Variants in TREM1 observed in about 807,000 individuals in gnomAD.
TREM1 encodes the protein triggering receptor expressed on monocytes 1.
A neutral mutation model predicts 22.4 loss-of-function variants in TREM1; 16 were observed. That is an observed-to-expected ratio of 0.71 (90% CI 0.48 to 1.08). The LOEUF (loss-of-function observed/expected upper bound fraction) is 1.08. TREM1 is among the 50% of genes least tolerant of loss of function. The probability of loss-of-function intolerance (pLI) is 0.00; values close to 1 mark genes in which losing one functional copy is unlikely to be tolerated. For synonymous variants in TREM1, 110 were observed against 111.6 expected, an observed-to-expected ratio of 0.99 and a Z score of 0.09; for missense variants, 283 against 282.9, an observed-to-expected ratio of 1.00 and a Z score of 0.00.
intron 3 of TREM1, among the ~76,000 whole-genome samples, chr6:41,276,893 T>C (rs1014280178): frequency 6.6e-6 from 1 of 152,014 alleles, no homozygotes; most frequent in South Asian, 2.1e-4. Context: ...AGAGGTCCAG[T>C]GGATAAGCCG....
chr6:41,284,113 A>T (rs1365063295), intron 1 of TREM1, among the ~76,000 whole-genome samples: 1 of 151,896 alleles, frequency 6.6e-6, no homozygotes, highest in Non-Finnish European at 1.5e-5. Flanking sequence ...CCTATTTTTG[A>T]TGTCACGGAG....
rs145234797 is a variant in TREM1, at chr6:41,283,257, G to A, written c.50-506C>T. ...CAAACAGTGAGGAAGCCGTCTGGAGGGCATGATGGGCATGGATATCTGACT... is the reference window on the plus strand; with the variant it reads ...CAAACAGTGAGGAAGCCGTCTGGAGAGCATGATGGGCATGGATATCTGACT... On this transcript the variant is annotated intron_variant, in intron 1 of 3. Coordinates refer to ENST00000244709, the MANE Select transcript of TREM1 (RefSeq NM_018643.5). Among the ~76,000 whole-genome samples the A allele has an allele frequency of 1.8e-3, 275 of 152,280 alleles. 1 individual carries two copies. The highest frequency in any genetic ancestry group is 5.4e-3 in the South Asian group (26 of 4,822).
chr6:41,286,575 C>T (rs750998376), intron 1 of TREM1, 32 bp downstream of exon 1: 87 of 1,612,924 alleles, frequency 5.4e-5, no homozygotes, highest in Non-Finnish European at 7.0e-5. Flanking sequence ...GGACCAAACG[C>T]CTCCCCTGCT....
intron 2 of TREM1, 196 bp from the exon 3 acceptor site, chr6:41,281,349 A>AT: frequency 1.6e-6 from 1 of 640,454 alleles, no homozygotes; most frequent in Non-Finnish European, 2.6e-6. Flanking sequence ...AGCCAAAGAA[A>AT]TACTGTGGAG....
At position 41,274,008 on chromosome 6, in the gene TREM1, G is replaced by A. The variant is rs1300282906; in HGVS notation, c.*2117C>T. Among the ~76,000 whole-genome samples the A allele has an allele frequency of 6.6e-6, 1 of 152,230 alleles. No homozygotes were observed. The highest frequency in any genetic ancestry group is 2.4e-5 in the African/African-American group (1 of 41,452). On this transcript the variant is annotated 3_prime_UTR_variant, in exon 4 of 4. Transcript: ENST00000244709. ...GGGAGGATGGAGCATGGCGTGGCCTGTAAGTGCAAATGGGAGAGTATCCAG... is the reference window on the plus strand; with the variant it reads ...GGGAGGATGGAGCATGGCGTGGCCTATAAGTGCAAATGGGAGAGTATCCAG...
intron 3 of TREM1, chr6:41,280,592 C>T: frequency 8.1e-7 from 1 of 1,241,364 alleles, no homozygotes; most frequent in African/African-American, 1.5e-5. Context: ...AAGTCACATT[C>T]AGTTAGTCAG....
chr6:41,280,687 C>T, intron 3 of TREM1: 2 of 1,419,436 alleles, frequency 1.4e-6, no homozygotes, highest in Non-Finnish European at 1.8e-6. Flanking sequence ...TCCACTGGAA[C>T]TTGGGGAAGA....
Position 41,282,614 on chromosome 6 carries a change from T to A in TREM1, c.187A>T (p.Met63Leu). Residue 63 changes from methionine (M) to leucine (L), a missense_variant, in exon 2 of 4, where the codon ATG becomes TTG. By Grantham distance (15) the Met-to-Leu change is conservative. Transcript: ENST00000244709. The part of the protein sequence containing the change: ...KAWQIIRDGE[M>L]PKTLACTERP... Reference sequence around the variant, plus strand: ...TCTGTGCATGCCAGGGTCTTGGGCATCTCTCCGTCCCTTATTATCTGCCAA... The same window carrying A: ...TCTGTGCATGCCAGGGTCTTGGGCAACTCTCCGTCCCTTATTATCTGCCAA... 1 of 1,614,192 alleles carries A rather than the reference T, an allele frequency of 6.2e-7. No homozygotes were observed. The highest frequency in any genetic ancestry group is 8.5e-7 in the Non-Finnish European group (1 of 1,180,028).
chr6:41,286,482 G>C (rs144823152), intron 1 of TREM1, 125 bp downstream of exon 1: 1 of 894,124 alleles, frequency 1.1e-6, no homozygotes, highest in East Asian at 2.5e-5. Flanking sequence ...AGAGCAGCAC[G>C]GTCTGCCATA....
downstream of TREM1, among the ~76,000 whole-genome samples, chr6:41,271,190 C>T (rs1013425773): frequency 6.6e-6 from 1 of 152,176 alleles, no homozygotes; most frequent in Admixed American, 6.5e-5. Context: ...CACCCTACAC[C>T]TGGTTCCATC....
chr6:41,280,493 G>A (rs1287705051), intron 3 of TREM1: 23 of 1,027,646 alleles, frequency 2.2e-5, no homozygotes, highest in Non-Finnish European at 2.5e-5. Context: ...AGAGTTATTA[G>A]GTGGACAATG....
At chr6:41,279,907 A>C in intron 3 of TREM1, 3 of 977,060 alleles carry the variant, frequency 3.1e-6, no homozygotes, top group Non-Finnish European at 3.6e-6. Context: ...TAAAAGAAGA[A>C]AAATATATCT....
At chr6:41,281,426 AAG>A (rs1459811828) in intron 2 of TREM1, 8 of 430,326 alleles carry the variant, frequency 1.9e-5, no homozygotes, top group African/African-American at 9.9e-5. Context: ...GGAGAGCAGA[AAG>A]AGAGAAGAAG....
chr6:41,280,892 T>C, intron 3 of TREM1, 69 bp downstream of exon 3: 1 of 1,610,584 alleles, frequency 6.2e-7, no homozygotes, highest in South Asian at 1.1e-5. Flanking sequence ...TCACATCCTC[T>C]CAGCACACAG....
chr6:41,281,165 C>T lies in TREM1; in HGVS notation c.407-12G>A. On this transcript the variant is annotated splice_polypyrimidine_tract_variant and intron_variant, in intron 2 of 3. Coordinates refer to ENST00000244709, the MANE Select transcript of TREM1 (RefSeq NM_018643.5). ...GGTCCCTGAAAAACCTGCAAGAAGA[C>T]ACATTGGATGGATGGATGGACAGAT... 6.2e-7 allele frequency: 1 copy of T among 1,611,390 alleles called. No homozygotes were observed.
chr6:41,273,487 G>A (rs1767547147), downstream of TREM1, among the ~76,000 whole-genome samples: 1 of 152,230 alleles, frequency 6.6e-6, no homozygotes, highest in Admixed American at 6.5e-5. Flanking sequence ...CAGACACCCT[G>A]CAAGGATGCA....
intron 2 of TREM1, chr6:41,281,514 T>A (rs1767920414): frequency 4.0e-6 from 1 of 247,420 alleles, no homozygotes; most frequent in African/African-American, 2.2e-5. Flanking sequence ...TGCCCCAACC[T>A]TCTCCAAGAA....
In TREM1 at chr6:41,282,634, T is replaced by C; in HGVS notation, c.167A>G (p.Gln56Arg). 6.2e-7 allele frequency: 1 copy of C among 1,614,234 alleles called. No individual in the cohort carries two copies. The highest frequency in any genetic ancestry group is 8.5e-7 in the Non-Finnish European group (1 of 1,180,026). Residue 56 changes from glutamine (Q) to arginine (R), a missense_variant, in exon 2 of 4, where the codon CAG (glutamine) becomes CGG (arginine). By Grantham distance (43) the Gln-to-Arg change is conservative (BLOSUM62 1). Transcript: ENST00000244709. ...GGGCATCTCTCCGTCCCTTATTATC[T>C]GCCAAGCTTTCTGGCTGCTGGCAAA... ...EKFASSQKAW[Q>R]IIRDGEMPKT...
chr6:41,268,583 T>C (rs954872576), intron 3 of TREM1, among the ~76,000 whole-genome samples: 2 of 152,068 alleles, frequency 1.3e-5, no homozygotes, highest in African/African-American at 4.8e-5. Flanking sequence ...ACCCAAAAGG[T>C]TGGAGCCACT....
Sources: allele counts gnomAD v4.1 joint callset (sites outside exome capture counted in the v4.1 genomes callset), GRCh38; gene constraint gnomAD v4.1.1; transcripts MANE v1.5; gene names NCBI Gene and HGNC (gene_info 2026-07-23, HGNC 2026-07-21).